The following RORA variants were observed in gnomAD, a reference collection of about 807,000 sequenced individuals.
The protein encoded by RORA is nuclear receptor ROR-alpha.
Under a neutral mutation model 69.5 loss-of-function variants are expected in RORA, and 7 were observed. That is an observed-to-expected ratio of 0.10 (90% confidence interval 0.06 to 0.19). The LOEUF (loss-of-function observed/expected upper bound fraction) is 0.19, where lower values mean the gene tolerates loss of function less well. Among genes scored for constraint, RORA ranks in the 10% least tolerant of loss-of-function variants. The pLI is 1.00. For missense variants in RORA, 457 were observed against 663.0 expected, an observed-to-expected ratio of 0.69 and a Z score of 3.41; for synonymous variants, 261 against 240.8, an observed-to-expected ratio of 1.08 and a Z score of -0.78.
intron 1 of RORA, among the ~76,000 whole-genome samples, chr15:60,930,292 T>C (rs998066016): frequency 3.3e-5 from 5 of 152,172 alleles, no homozygotes; most frequent in Non-Finnish European, 5.9e-5. Context: ...CCCTGGAGTG[T>C]GCCCTATTTA....
At chr15:60,980,256 C>G (rs1324877022) in intron 1 of RORA, among the ~76,000 whole-genome samples, 3 of 152,132 alleles carry the variant, frequency 2.0e-5, no homozygotes, top group Admixed American at 2.0e-4. Flanking sequence ...TCCAGCCCTT[C>G]TAATATGCTG....
chr15:61,022,158 A>G (rs1415760384), intron 1 of RORA, among the ~76,000 whole-genome samples: 2 of 152,186 alleles, frequency 1.3e-5, no homozygotes, highest in Non-Finnish European at 2.9e-5. Flanking sequence ...GATTTGGGAC[A>G]TTTTACTTCA....
rs546870765 is a variant in RORA, at chr15:61,060,018, A to G, written c.166+169035T>C. ...AAGAAGAAGAAGAAGAAGAAGAAGA[A>G]GAAGAAGAAGAAGAAGAAGAAGAAG... On this transcript the variant is annotated intron_variant, in intron 1 of 10. Coordinates refer to ENST00000335670, the MANE Select transcript of RORA (RefSeq NM_134261.3). Among the ~76,000 whole-genome samples the G allele has an allele frequency of 7.0e-5, 10 of 142,730 alleles. No homozygotes were observed. In the East Asian group the frequency reaches 2.4e-3, roughly 34 times the overall value. 93.6% of individuals were successfully genotyped at this position (142,730 alleles called of 152,430 possible).
chr15:61,063,204 C>T (rs1356824301), intron 1 of RORA, among the ~76,000 whole-genome samples: 1 of 152,208 alleles, frequency 6.6e-6, no homozygotes, highest in Non-Finnish European at 1.5e-5. Context: ...CCCTTCACGG[C>T]GTGGAGCTGC....
intron 2 of RORA, among the ~76,000 whole-genome samples, chr15:60,591,969 C>G (rs1023402063): frequency 1.3e-5 from 2 of 151,900 alleles, no homozygotes; most frequent in Non-Finnish European, 2.9e-5. Flanking sequence ...CCTCCCCGAC[C>G]TAGGCCGGAG....
chr15:60,597,591 TATACAC>T lies in RORA; in HGVS notation c.197-65746_197-65741del, dbSNP rs1239732172. ...ATATATATACACATATATATATATA[TATACAC>T]ATATATATATATATATATATACATA... On this transcript the variant is annotated intron_variant, in intron 2 of 10. Transcript: ENST00000335670. Among the ~76,000 whole-genome samples, 8 of 24,658 alleles carry T rather than the reference TATACAC, an allele frequency of 3.2e-4. 1 individual carries two copies. Among genetic ancestry groups the T allele is most frequent in the Non-Finnish European group, 4.4e-4 (6 of 13,606 alleles). The allele number at this position is 24,658 out of a possible 152,430, so 16.2% of individuals were successfully genotyped here.
intron 2 of RORA, chr15:60,615,004 C>T (rs773000733): frequency 5.6e-6 from 9 of 1,613,464 alleles, no homozygotes; most frequent in South Asian, 1.1e-5. Flanking sequence ...GAACAGCCTG[C>T]TCAGGGAGCT....
At chr15:60,859,319 C>T (rs965973149) in intron 1 of RORA, among the ~76,000 whole-genome samples, 1 of 152,064 alleles carries the variant, frequency 6.6e-6, no homozygotes, top group South Asian at 2.1e-4. Context: ...TGGCATGGCG[C>T]TTTGCACCTG....
chr15:60,610,018 G>C (rs372438806), intron 2 of RORA, among the ~76,000 whole-genome samples: 2 of 152,132 alleles, frequency 1.3e-5, no homozygotes, highest in African/African-American at 4.8e-5. Flanking sequence ...CGAGAGAGCC[G>C]TTTGAAGCTG....
chr15:61,201,261 C>T (rs1362765238), intron 1 of RORA, among the ~76,000 whole-genome samples: 1 of 152,168 alleles, frequency 6.6e-6, no homozygotes, highest in Non-Finnish European at 1.5e-5. Context: ...CTGGCACACC[C>T]ATGAACCTGC....
At chr15:60,533,662 G>T (rs1567066439) in intron 2 of RORA, among the ~76,000 whole-genome samples, 3 of 152,182 alleles carry the variant, frequency 2.0e-5, no homozygotes, top group African/African-American at 4.8e-5. Context: ...CCTGAAAGGT[G>T]CTATCAGCTG....
chr15:61,010,048 G>T (rs1173546853), intron 1 of RORA, among the ~76,000 whole-genome samples: 1 of 152,104 alleles, frequency 6.6e-6, no homozygotes, highest in African/African-American at 2.4e-5. Flanking sequence ...ATGTTTAACT[G>T]CTATTTTTTA....
intron 1 of RORA, among the ~76,000 whole-genome samples, chr15:61,013,600 T>C (rs568072244): frequency 6.6e-6 from 1 of 152,308 alleles, no homozygotes; most frequent in South Asian, 2.1e-4. Context: ...TGTTACCTAT[T>C]AGGCCAATTT....
intron 3 of RORA, among the ~76,000 whole-genome samples, chr15:60,516,184 T>TATA (rs2065931927): frequency 3.6e-5 from 1 of 28,040 alleles, no homozygotes; most frequent in Non-Finnish European, 5.5e-5. Context: ...TATATATATA[T>TATA]TTATATATAT....
chr15:60,692,266 T>C (rs772569182), intron 1 of RORA, among the ~76,000 whole-genome samples: 5 of 152,248 alleles, frequency 3.3e-5, no homozygotes, highest in Non-Finnish European at 5.9e-5. Context: ...TATATTTGCA[T>C]AATCCCAATT....
Position 61,051,668 on chromosome 15 carries a change from G to C in RORA, c.166+177385C>G, listed in dbSNP as rs374302518. ...CCACCTAGTGATGCTTGCCTGTACT[G>C]TCTGCATCCCAGAGAGTGGGAGAGG... is the stretch of plus-strand genomic sequence containing the variant. On this transcript the variant is annotated intron_variant, in intron 1 of 10. Transcript: ENST00000335670. Among the ~76,000 whole-genome samples the C allele has an allele frequency of 3.0e-4, 45 of 152,290 alleles. 2 individuals are homozygous for C. In the South Asian group the frequency reaches 6.8e-3, roughly 23 times the overall value.
rs546287179 is a variant in RORA at position 61,173,934 on chromosome 15, T to C, written c.166+55119A>G. Among the ~76,000 whole-genome samples, 229 of 152,358 alleles carry C rather than the reference T, an allele frequency of 1.5e-3. 1 individual carries two copies. Among genetic ancestry groups the C allele is most frequent in the African/African-American group, 5.4e-3 (224 of 41,590 alleles). ...AGATCCATCTTCCAGATCTGTGGTATGCACACTGGGTCTGAATCAGCAGGT... is the reference window on the plus strand; with the variant it reads ...AGATCCATCTTCCAGATCTGTGGTACGCACACTGGGTCTGAATCAGCAGGT... On this transcript the variant is annotated intron_variant, in intron 1 of 10. Transcript: ENST00000335670.
chr15:61,048,187 T>G (rs1897126772), intron 1 of RORA, among the ~76,000 whole-genome samples: 1 of 152,228 alleles, frequency 6.6e-6, no homozygotes, highest in African/African-American at 2.4e-5. Flanking sequence ...TCAACAATAC[T>G]TTAAGTAAGA....
chr15:61,183,788 T>C (rs1355268160), intron 1 of RORA, among the ~76,000 whole-genome samples: 3 of 152,310 alleles, frequency 2.0e-5, no homozygotes, highest in Non-Finnish European at 4.4e-5. Flanking sequence ...CCTGTGTTTT[T>C]CCACAAAGCA....
Sources: allele counts gnomAD v4.1 joint callset (sites outside exome capture counted in the v4.1 genomes callset), GRCh38; gene constraint gnomAD v4.1.1; transcripts MANE v1.5; gene names NCBI Gene and HGNC (gene_info 2026-07-23, HGNC 2026-07-21).